Variants in SP4 observed in about 807,000 individuals in gnomAD.
SP4 encodes the protein transcription factor Sp4.
In SP4, 19 loss-of-function variants were observed where a neutral mutation model predicts 72.8. The ratio of observed to expected loss-of-function variants is 0.26; its 90% confidence interval spans 0.18 to 0.38. The LOEUF is 0.38. Among genes scored for constraint, SP4 ranks in the 10% least tolerant of loss-of-function variants. The pLI is 1.00. For missense variants in SP4, 1,008 were observed against 926.3 expected, an observed-to-expected ratio of 1.09 and a Z score of -1.14; for synonymous variants, 395 against 333.1, an observed-to-expected ratio of 1.19 and a Z score of -2.02.
intron 5 of SP4, among the ~76,000 whole-genome samples, chr7:21,503,959 G>C (rs1043086560): frequency 6.6e-6 from 1 of 152,056 alleles, no homozygotes; most frequent in African/African-American, 2.4e-5. Flanking sequence ...TCTCATTAGG[G>C]GTTTACTTAT....
At chr7:21,505,765 G>T (rs1781980038) in intron 5 of SP4, among the ~76,000 whole-genome samples, 1 of 152,160 alleles carries the variant, frequency 6.6e-6, no homozygotes, top group African/African-American at 2.4e-5. Context: ...AACCCATCAG[G>T]CTCTTTGGGA....
intron 4 of SP4, among the ~76,000 whole-genome samples, chr7:21,480,386 G>T (rs576211305): frequency 6.6e-6 from 1 of 152,056 alleles, no homozygotes; most frequent in Non-Finnish European, 1.5e-5. Flanking sequence ...TTTTAATTAC[G>T]AATTCAGTCT....
chr7:21,466,952 A>G (rs1020614790), intron 3 of SP4, among the ~76,000 whole-genome samples: 1 of 152,172 alleles, frequency 6.6e-6, no homozygotes, highest in Non-Finnish European at 1.5e-5. Context: ...TTTTATAGGG[A>G]TCACACAAAT....
At chr7:21,502,226 C>CT (rs1310100642) in intron 5 of SP4, among the ~76,000 whole-genome samples, 2 of 151,996 alleles carry the variant, frequency 1.3e-5, no homozygotes, top group Non-Finnish European at 2.9e-5. Context: ...ACTTATCATC[C>CT]TTTTTTCCCA....
intron 4 of SP4, among the ~76,000 whole-genome samples, chr7:21,479,017 G>A (rs1220644558): frequency 2.6e-5 from 4 of 151,034 alleles, no homozygotes; most frequent in Admixed American, 6.6e-5. Flanking sequence ...GCAGTGAGCC[G>A]AGATCGCGCC....
Position 21,430,281 on chromosome 7 carries a change from C to A in SP4, c.1116C>A (p.Ala372=). ...CACCTGCTGCTACTGAGTCTGAAGC[C>A]CAGAGCTCCAGTCAGCTTCAGCCTA... ...SQTPAATESE[A]QSSSQLQPNG... Residue 372 remains alanine (A), a synonymous_variant, in exon 3 of 6, where the codon GCC becomes GCA. Transcript: ENST00000222584. The A allele has an allele frequency of 6.2e-7, 1 of 1,614,192 alleles. No individual in the cohort carries two copies.
At chr7:21,489,546 CTTTTTTCTTTTTTTTT>C (rs1386858115) in intron 5 of SP4, among the ~76,000 whole-genome samples, 1 of 56,774 alleles carries the variant, frequency 1.8e-5, no homozygotes, top group Non-Finnish European at 3.1e-5. Context: ...GTCTTTTTTT[CTTTTTTCTTTTTTTTT>C]TTTTTTTTTT....
intron 5 of SP4, among the ~76,000 whole-genome samples, chr7:21,486,178 G>GTT (rs139452222): frequency 0.036 from 5,153 of 143,870 alleles, 316 homozygotes; most frequent in East Asian, 0.26. Context: ...ATTTTTTCTT[G>GTT]TTTTTTTTTT....
chr7:21,466,445 A>T (rs76377459), intron 3 of SP4, among the ~76,000 whole-genome samples: 104 of 152,300 alleles, frequency 6.8e-4, no homozygotes, highest in African/African-American at 2.4e-3. Context: ...TATTTCAGTC[A>T]ACTCCCACAG....
At chr7:21,477,884 A>G (rs114687450) in intron 4 of SP4, among the ~76,000 whole-genome samples, 5,966 of 152,184 alleles carry the variant, frequency 0.039, 187 homozygotes, top group African/African-American at 0.09. Context: ...CTTTATTGAT[A>G]TAAAACTCAT....
At chr7:21,475,419 G>C (rs775237257) in intron 3 of SP4, among the ~76,000 whole-genome samples, 1 of 151,440 alleles carries the variant, frequency 6.6e-6, no homozygotes, top group Non-Finnish European at 1.5e-5. Flanking sequence ...TGGCCTGAAA[G>C]AAACCCTTTT....
chr7:21,428,622 A>C (rs1782711668), intron 1 of SP4, 55 bp from the exon 2 acceptor site: 1 of 1,469,782 alleles, frequency 6.8e-7, no homozygotes, highest in African/African-American at 1.4e-5. Flanking sequence ...AAGACGAATA[A>C]TAATAATCCT....
intron 5 of SP4, among the ~76,000 whole-genome samples, 194 bp from the exon 6 acceptor site, chr7:21,510,828 G>A (rs986867432): frequency 2.0e-5 from 3 of 152,126 alleles, no homozygotes; most frequent in African/African-American, 7.2e-5. Context: ...TAAACTTCAG[G>A]TCTTTTCGTC....
At chr7:21,484,160 C>A (rs890305042) in intron 5 of SP4, among the ~76,000 whole-genome samples, 1 of 151,794 alleles carries the variant, frequency 6.6e-6, no homozygotes, top group Non-Finnish European at 1.5e-5. Context: ...AGTAGTAATA[C>A]AAATGAGTAC....
At position 21,430,091 on chromosome 7, in the gene SP4, C is replaced by T; in HGVS notation, c.926C>T (p.Thr309Ile). Residue 309 changes from threonine to isoleucine, a missense_variant, in exon 3 of 6, where the codon ACT (threonine) becomes ATT (isoleucine). By Grantham distance (89) the Thr-to-Ile change is moderately conservative. Around this residue, in one of 3 missense-constraint regions of SP4, gnomAD observed 893 missense variants for 743.3 expected, o/e 1.20. Coordinates refer to ENST00000222584, the MANE Select transcript of SP4 (RefSeq NM_003112.5). ...QLVSTPTNTTTSASTMPESPS... is the reference protein window; with the variant it reads ...QLVSTPTNTTISASTMPESPS... ...GTTTCCACACCCACCAACACCACTA[C>T]TTCTGCCAGTACTATGCCAGAATCT... is the stretch of plus-strand genomic sequence containing the variant. 6.2e-7 allele frequency: 1 copy of T among 1,614,220 alleles called. No individual in the cohort carries two copies.
At chr7:21,454,180 C>T (rs1000373199) in intron 3 of SP4, among the ~76,000 whole-genome samples, 5 of 152,170 alleles carry the variant, frequency 3.3e-5, no homozygotes, top group African/African-American at 4.8e-5. Context: ...TAAGGTCTGA[C>T]TCTTTCCAGC....
At chr7:21,463,338 G>C (rs1310824348) in intron 3 of SP4, among the ~76,000 whole-genome samples, 1 of 152,188 alleles carries the variant, frequency 6.6e-6, no homozygotes, top group Non-Finnish European at 1.5e-5. Flanking sequence ...TACATTGCCA[G>C]CATAGGATGA....
intron 3 of SP4, among the ~76,000 whole-genome samples, chr7:21,458,557 T>C (rs1783853558): frequency 2.0e-5 from 3 of 152,212 alleles, no homozygotes; most frequent in Non-Finnish European, 4.4e-5. Context: ...ACCTTTTCTT[T>C]GCCTGTGTTC....
At chr7:21,453,842 A>G (rs2128399554) in intron 3 of SP4, among the ~76,000 whole-genome samples, 1 of 152,362 alleles carries the variant, frequency 6.6e-6, no homozygotes, top group East Asian at 1.9e-4. Flanking sequence ...GTGTTCACAC[A>G]GGATTTCTTT....
Sources: allele counts gnomAD v4.1 joint callset (sites outside exome capture counted in the v4.1 genomes callset), GRCh38; gene constraint gnomAD v4.1.1; regional missense constraint gnomAD v4.1.1; transcripts MANE v1.5; gene names NCBI Gene and HGNC (gene_info 2026-07-23, HGNC 2026-07-21).